GMEB2: variants seen among roughly 807,000 people sequenced by gnomAD.
The protein encoded by GMEB2 is glucocorticoid modulatory element-binding protein 2.
Under a neutral mutation model 45.7 loss-of-function variants are expected in GMEB2, and 7 were observed. The ratio of observed to expected loss-of-function variants is 0.15; its 90% confidence interval spans 0.09 to 0.29. The LOEUF (loss-of-function observed/expected upper bound fraction) is 0.29, where lower values mean the gene tolerates loss of function less well. Among genes scored for constraint, GMEB2 ranks in the 10% least tolerant of loss-of-function variants. GMEB2 has a pLI of 1.00. For synonymous variants in GMEB2, 322 were observed against 323.6 expected, an observed-to-expected ratio of 1.00 and a Z score of 0.05; for missense variants, 582 against 739.2, an observed-to-expected ratio of 0.79 and a Z score of 2.47.
chr20:63,620,563 A>C (rs1345282275), intron 1 of GMEB2, among the ~76,000 whole-genome samples: 1 of 152,212 alleles, frequency 6.6e-6, no homozygotes, highest in African/African-American at 2.4e-5. Flanking sequence ...TCCTGACCCT[A>C]AAGGGCAAAG....
intron 2 of GMEB2, among the ~76,000 whole-genome samples, chr20:63,610,001 C>T (rs2089557077): frequency 6.6e-6 from 1 of 152,088 alleles, no homozygotes; most frequent in Admixed American, 6.6e-5. Context: ...GACTCCACCT[C>T]CATTTCTAGA....
chr20:63,605,526 TAAA>T (rs11306158), intron 2 of GMEB2, among the ~76,000 whole-genome samples: 20 of 128,326 alleles, frequency 1.6e-4, no homozygotes, highest in Admixed American at 2.4e-4. Flanking sequence ...CCGTCAAAAT[TAAA>T]AAAAAAAAAA....
intron 1 of GMEB2, among the ~76,000 whole-genome samples, 175 bp downstream of exon 1, chr20:63,626,781 T>A (rs1036792508): frequency 6.9e-6 from 1 of 144,838 alleles, no homozygotes; most frequent in Non-Finnish European, 1.5e-5. Flanking sequence ...GCCGCCCGCC[T>A]GACGCCGCCG....
chr20:63,623,674 T>G (rs1471091223), intron 1 of GMEB2, among the ~76,000 whole-genome samples: 2 of 152,024 alleles, frequency 1.3e-5, no homozygotes, highest in Admixed American at 1.3e-4. Flanking sequence ...GGCAGGTGCC[T>G]GTAATCTCAG....
rs746986053 is a variant in GMEB2 at position 63,588,731 on chromosome 20, C to T, written c.*1358G>A. The T allele has an allele frequency of 2.6e-4, 104 of 398,560 alleles. No individual in the cohort carries two copies. Among genetic ancestry groups the T allele is most frequent in the Admixed American group, 3.5e-4 (8 of 22,726 alleles). The allele number at this position is 398,560 out of a possible 1,614,324, so 24.7% of individuals were successfully genotyped here. The stretch of plus-strand genomic sequence containing the variant: ...GGGCCTCAGACGGGCCTTCAACTGC[C>T]GACAGAATCAGCAGGAGCGTCCAGG... On this transcript the variant is annotated 3_prime_UTR_variant, in exon 10 of 10. Transcript: ENST00000370077.
At position 63,590,457 on chromosome 20, in the gene GMEB2, C is replaced by T. The variant is rs199786039; in HGVS notation, c.1225G>A (p.Val409Ile). The T allele has an allele frequency of 1.2e-3, 1,824 of 1,520,934 alleles. 1 individual carries two copies. Among genetic ancestry groups the T allele is most frequent in the Non-Finnish European group, 1.5e-3 (1,730 of 1,128,092 alleles). The allele number at this position is 1,520,934 out of a possible 1,614,324, so 94.2% of individuals were successfully genotyped here. The change falls in exon 10 of 10, where the codon GTC becomes ATC. Residue 409 changes from valine (V) to isoleucine (I), a missense_variant. Coordinates refer to ENST00000370077, the MANE Select transcript of GMEB2 (RefSeq NM_012384.5). ...GKVVSTLPSTVLGKGSLQAPP... is the reference protein window; with the variant it reads ...GKVVSTLPSTILGKGSLQAPP... Reference sequence around the variant, plus strand: ...GCCTGAAGGGAACCCTTGCCCAGGACGGTGGACGGCAGGGTGGACACCACT... The same window carrying T: ...GCCTGAAGGGAACCCTTGCCCAGGATGGTGGACGGCAGGGTGGACACCACT...
chr20:63,612,966 C>CT (rs979739696), intron 2 of GMEB2, among the ~76,000 whole-genome samples: 47 of 147,206 alleles, frequency 3.2e-4, no homozygotes, highest in Admixed American at 3.4e-4. Flanking sequence ...CTTTCTTTTT[C>CT]TTTTTTTTTT....
intron 2 of GMEB2, among the ~76,000 whole-genome samples, chr20:63,614,493 C>G (rs1276746965): frequency 6.6e-6 from 1 of 152,208 alleles, no homozygotes; most frequent in Non-Finnish European, 1.5e-5. Flanking sequence ...AGGAAAAACA[C>G]CCGCTACTTA....
intron 4 of GMEB2, among the ~76,000 whole-genome samples, chr20:63,600,114 C>G (rs2083231011): frequency 6.6e-6 from 1 of 151,902 alleles, no homozygotes; most frequent in Non-Finnish European, 1.5e-5. Context: ...CAATCTTGGG[C>G]TCACTGCAAC....
rs147852497 is a variant in GMEB2, at chr20:63,596,748, T to C, written c.462-981A>G. ...ACAGATAAGTGAAGGCCGGGCACGG[T>C]GGCTCATGCCTGGAATCCCAGCACT... is the stretch of plus-strand genomic sequence containing the variant. On this transcript the variant is annotated intron_variant, in intron 5 of 9. Transcript: ENST00000370077. Among the ~76,000 whole-genome samples, 1,489 of 152,336 alleles carry C rather than the reference T, an allele frequency of 9.8e-3. 27 individuals carry two copies. The highest frequency in any genetic ancestry group is 0.034 in the African/African-American group (1,425 of 41,568).
chr20:63,588,756 G>C lies in GMEB2; in HGVS notation c.*1333C>G, dbSNP rs2083116809. 2.5e-6 allele frequency: 1 copy of C among 398,612 alleles called. No homozygotes were observed. Among genetic ancestry groups the C allele is most frequent in the Admixed American group, 4.4e-5 (1 of 22,722 alleles). The allele number at this position is 398,612 out of a possible 1,614,324, so 24.7% of individuals were successfully genotyped here. On this transcript the variant is annotated 3_prime_UTR_variant, in exon 10 of 10. Coordinates refer to ENST00000370077, the MANE Select transcript of GMEB2 (RefSeq NM_012384.5). The stretch of plus-strand genomic sequence containing the variant: ...CGACAGAATCAGCAGGAGCGTCCAG[G>C]GGAATCTGGCACTCAGGGTCCTCCC...
rs1015938976 is a variant in GMEB2, at chr20:63,590,021, C to T, written c.*68G>A. ...CCGAGCCAGCCCTGCGGCCTCTGCC[C>T]GCTCCCTGCTGCCGCGGCTGAGAGA... On this transcript the variant is annotated 3_prime_UTR_variant, in exon 10 of 10. Transcript: ENST00000370077. The T allele has an allele frequency of 4.3e-6, 6 of 1,406,878 alleles. No homozygotes were observed. Among genetic ancestry groups the T allele is most frequent in the Admixed American group, 2.5e-5 (1 of 39,852 alleles). The allele number at this position is 1,406,878 out of a possible 1,614,324, so 87.1% of individuals were successfully genotyped here. A position where few individuals can be genotyped will look rare whatever the true frequency, so the allele number is the denominator to read the frequency against.
rs1006716601 is a variant in GMEB2 at position 63,593,798 on chromosome 20, G to A, written c.620-716C>T. ...GCACTTTGGGAGACTGAGGCGGGTG[G>A]ATCACCTAAGGTCAGGAGTTCGAGA... On this transcript the variant is annotated intron_variant, in intron 6 of 9. Coordinates refer to ENST00000370077, the MANE Select transcript of GMEB2 (RefSeq NM_012384.5). The surrounding 1 kb of genome is among the most constrained non-coding windows in gnomAD (Gnocchi z 4.7). Among the ~76,000 whole-genome samples, 2 of 152,174 alleles carry A rather than the reference G, an allele frequency of 1.3e-5. No individual in the cohort carries two copies. Among genetic ancestry groups the A allele is most frequent in the Non-Finnish European group, 2.9e-5 (2 of 68,040 alleles).
chr20:63,610,035 T>A (rs542733751), intron 2 of GMEB2, among the ~76,000 whole-genome samples: 1 of 152,308 alleles, frequency 6.6e-6, no homozygotes, highest in East Asian at 1.9e-4. Context: ...GACATGGTGT[T>A]CCCACACTGG....
At chr20:63,604,200 G>GAA (rs35469694) in intron 3 of GMEB2, among the ~76,000 whole-genome samples, 11,622 of 118,666 alleles carry the variant, frequency 0.098, 667 homozygotes, top group African/African-American at 0.11. Flanking sequence ...CCTATTTCTT[G>GAA]AAAAAAAAAA....
At chr20:63,599,661 G>A (rs1004909528) in intron 4 of GMEB2, among the ~76,000 whole-genome samples, 4 of 152,140 alleles carry the variant, frequency 2.6e-5, no homozygotes, top group Admixed American at 1.3e-4. Context: ...CTCTGTCCCC[G>A]TCCTTCTGGA....
chr20:63,597,243 C>CCTTGACTT (rs1461582943), intron 5 of GMEB2, among the ~76,000 whole-genome samples: 4 of 150,650 alleles, frequency 2.7e-5, no homozygotes, highest in Non-Finnish European at 5.9e-5. Context: ...CTCACTGCAG[C>CCTTGACTT]CTTGACTTCC....
At chr20:63,595,484 G>T in intron 6 of GMEB2, 126 bp downstream of exon 6, 1 of 781,218 alleles carries the variant, frequency 1.3e-6, no homozygotes, top group Non-Finnish European at 2.0e-6. Context: ...AGGGTCCCAG[G>T]CAGGAGACCG....
chr20:63,623,497 A>G (rs540205106), intron 1 of GMEB2, among the ~76,000 whole-genome samples: 1 of 152,346 alleles, frequency 6.6e-6, no homozygotes, highest in East Asian at 1.9e-4. Context: ...TTAAACAAAC[A>G]TGAATAAAAA....
Sources: gnomAD v4.1 joint callset for allele counts (sites outside exome capture counted in the v4.1 genomes callset) on GRCh38, gnomAD v4.1.1 for gene constraint, Gnocchi (gnomAD v3.1) non-coding constraint, MANE v1.5 for transcripts, NCBI Gene and HGNC (gene_info 2026-07-23, HGNC 2026-07-21) for gene names.